The following ANXA10 variants were observed in gnomAD, a reference collection of about 807,000 sequenced individuals.
The protein encoded by ANXA10 is annexin A10, also known as annexin 14.
A neutral mutation model predicts 53.5 loss-of-function variants in ANXA10; 49 were observed. That is an observed-to-expected ratio of 0.92 (90% CI 0.73 to 1.16). The LOEUF is 1.16. ANXA10 is among the 50% of genes most tolerant of loss of function. ANXA10 has a pLI of 0.00. For missense variants in ANXA10, 393 were observed against 394.4 expected (o/e 1.00, Z 0.03); for synonymous variants, 131 against 128.9 (o/e 1.02, Z -0.11).
intron 1 of ANXA10, among the ~76,000 whole-genome samples, chr4:168,115,397 T>C (rs960112398): frequency 1.3e-5 from 2 of 151,930 alleles, no homozygotes; most frequent in African/African-American, 4.8e-5. Context: ...AATCAAATAT[T>C]AGACATTCTG....
At chr4:168,162,462 C>T in intron 3 of ANXA10, 66 bp from the exon 4 acceptor site, 2 of 1,082,900 alleles carry the variant, frequency 1.8e-6, no homozygotes, top group East Asian at 2.4e-5. Flanking sequence ...AGACTTTCTG[C>T]AATTATCTCA....
intron 3 of ANXA10, among the ~76,000 whole-genome samples, chr4:168,145,391 A>G (rs1731390765): frequency 6.6e-6 from 1 of 152,220 alleles, no homozygotes; most frequent in South Asian, 2.1e-4. Context: ...AAGGCAGCCA[A>G]GGGGATTTGT....
intron 1 of ANXA10, among the ~76,000 whole-genome samples, chr4:168,098,249 C>A (rs554608552): frequency 3.3e-5 from 5 of 152,086 alleles, no homozygotes; most frequent in African/African-American, 1.2e-4. Flanking sequence ...GAACGTACTT[C>A]TTTCCTTAAC....
intron 1 of ANXA10, among the ~76,000 whole-genome samples, chr4:168,101,256 G>A (rs1730634201): frequency 1.3e-5 from 2 of 151,928 alleles, no homozygotes; most frequent in Admixed American, 6.6e-5. Context: ...CTCCATGATT[G>A]TAAGTTTCCT....
intron 3 of ANXA10, among the ~76,000 whole-genome samples, chr4:168,144,126 A>G (rs1305631166): frequency 6.6e-6 from 1 of 152,162 alleles, no homozygotes; most frequent in Non-Finnish European, 1.5e-5. Flanking sequence ...AATGCCTTCT[A>G]AGGCCAAAAT....
rs187022424 is a variant in ANXA10, at chr4:168,187,456, T to C, written c.*22T>C. 1,257 of 1,500,162 alleles carry C rather than the reference T, an allele frequency of 8.4e-4. No individual in the cohort carries two copies. Among genetic ancestry groups the C allele is most frequent in the Non-Finnish European group, 1.1e-3 (1,193 of 1,102,184 alleles). The allele number at this position is 1,500,162 out of a possible 1,614,324, so 92.9% of individuals were successfully genotyped here. A position where few individuals can be genotyped will look rare whatever the true frequency, so the allele number is the denominator to read the frequency against. On this transcript the variant is annotated 3_prime_UTR_variant, in exon 12 of 12. Coordinates refer to ENST00000359299, the MANE Select transcript of ANXA10 (RefSeq NM_007193.5). ...CTAAAATGAAGAGGACTTGGAGTACTGTGCACTCCTCTTTCTAGACACTTC... is the reference window on the plus strand; with the variant it reads ...CTAAAATGAAGAGGACTTGGAGTACCGTGCACTCCTCTTTCTAGACACTTC...
At chr4:168,172,475 C>T (rs1296564339) in intron 6 of ANXA10, among the ~76,000 whole-genome samples, 4 of 152,168 alleles carry the variant, frequency 2.6e-5, no homozygotes, top group Non-Finnish European at 5.9e-5. Flanking sequence ...GAAAATCTTC[C>T]CACATCCACT....
At chr4:168,118,422 A>T (rs1730932474) in intron 1 of ANXA10, among the ~76,000 whole-genome samples, 1 of 152,180 alleles carries the variant, frequency 6.6e-6, no homozygotes. Flanking sequence ...GGTCTCACTC[A>T]CTTTGATTTA....
At chr4:168,110,575 G>A (rs1730792718) in intron 1 of ANXA10, among the ~76,000 whole-genome samples, 1 of 151,284 alleles carries the variant, frequency 6.6e-6, no homozygotes. Flanking sequence ...TTCTAACTCT[G>A]TAATATATAT....
intron 6 of ANXA10, among the ~76,000 whole-genome samples, chr4:168,167,521 T>A (rs1453816311): frequency 6.6e-6 from 1 of 152,216 alleles, no homozygotes; most frequent in Admixed American, 6.5e-5. Context: ...CATCATAAGT[T>A]GAGAAGCCTC....
chr4:168,156,799 G>C (rs140608619), intron 3 of ANXA10, among the ~76,000 whole-genome samples: 1 of 151,874 alleles, frequency 6.6e-6, no homozygotes, highest in Non-Finnish European at 1.5e-5. Flanking sequence ...AACCATGCCC[G>C]GCCCCTATTT....
chr4:168,112,416 T>C (rs1410014115), intron 1 of ANXA10, among the ~76,000 whole-genome samples: 2 of 152,202 alleles, frequency 1.3e-5, no homozygotes, highest in Non-Finnish European at 2.9e-5. Context: ...TATGTAAAGA[T>C]GTGAAAAGTA....
chr4:168,127,817 CTTTTTT>C (rs766782048), intron 1 of ANXA10: 197 of 148,492 alleles, frequency 1.3e-3, no homozygotes, highest in South Asian at 2.6e-3. Flanking sequence ...ATGTTGAAAC[CTTTTTT>C]TTTTTTTTTT....
At chr4:168,145,839 T>C (rs1408159668) in intron 3 of ANXA10, among the ~76,000 whole-genome samples, 2 of 152,148 alleles carry the variant, frequency 1.3e-5, no homozygotes, top group African/African-American at 4.8e-5. Context: ...GAAGTCTTAC[T>C]GAGCTGATCA....
At chr4:168,144,247 C>A (rs1047613619) in intron 3 of ANXA10, among the ~76,000 whole-genome samples, 2 of 152,120 alleles carry the variant, frequency 1.3e-5, no homozygotes, top group Non-Finnish European at 2.9e-5. Flanking sequence ...AGTGCACTGC[C>A]GCGCTCTCAG....
At chr4:168,157,561 G>A (rs1177792270) in intron 3 of ANXA10, among the ~76,000 whole-genome samples, 1 of 152,168 alleles carries the variant, frequency 6.6e-6, no homozygotes, top group Non-Finnish European at 1.5e-5. Context: ...ACCACGCCCG[G>A]CCAGTATAGA....
At position 168,187,424 on chromosome 4, in the gene ANXA10, A is replaced by G; in HGVS notation, c.965A>G (p.Glu322Gly). 6.3e-7 allele frequency: 1 copy of G among 1,592,448 alleles called. No homozygotes were observed. The highest frequency in any genetic ancestry group is 1.7e-5 in the Admixed American group (1 of 59,124). The change falls in exon 12 of 12, where the codon GAG becomes GGG. Residue 322 changes from glutamate to glycine, a missense_variant. By Grantham distance (98) the Glu-to-Gly change is moderately conservative. Coordinates refer to ENST00000359299, the MANE Select transcript of ANXA10 (RefSeq NM_007193.5). Reference sequence around the variant, plus strand: ...CTTGCCATCTGTGCTGGTGATGCTGAGGACTACTAAAATGAAGAGGACTTG... The same window carrying G: ...CTTGCCATCTGTGCTGGTGATGCTGGGGACTACTAAAATGAAGAGGACTTG... ...ALLAICAGDA[E>G]DY
chr4:168,146,720 A>G (rs1731412277), intron 3 of ANXA10, among the ~76,000 whole-genome samples: 1 of 152,210 alleles, frequency 6.6e-6, no homozygotes, highest in African/African-American at 2.4e-5. Flanking sequence ...AGAAGGACAC[A>G]AAAGTTATCA....
chr4:168,112,500 G>A (rs1730826963), intron 1 of ANXA10, among the ~76,000 whole-genome samples: 1 of 152,148 alleles, frequency 6.6e-6, no homozygotes, highest in African/African-American at 2.4e-5. Flanking sequence ...TGTAGACAAT[G>A]AGATCATAAA....
Sources: gnomAD v4.1 joint callset for allele counts (sites outside exome capture counted in the v4.1 genomes callset) on GRCh38, gnomAD v4.1.1 for gene constraint, MANE v1.5 for transcripts, NCBI Gene and HGNC (gene_info 2026-07-23, HGNC 2026-07-21) for gene names.